Variants in TBC1D14 observed in about 807,000 individuals in gnomAD.
TBC1D14 encodes TBC1 domain family member 14, also known as TBC1 domain family, member 14.
Under a neutral mutation model 79.0 loss-of-function variants are expected in TBC1D14, and 26 were observed. The ratio of observed to expected loss-of-function variants is 0.33; its 90% CI spans 0.24 to 0.46. The LOEUF (loss-of-function observed/expected upper bound fraction) is 0.46, where lower values mean the gene tolerates loss of function less well. Ranked by LOEUF, TBC1D14 falls within the 20% of genes least tolerant of loss-of-function variation. The probability of loss-of-function intolerance (pLI) is 1.00; values close to 1 mark genes in which losing one functional copy is unlikely to be tolerated. For synonymous variants in TBC1D14, 394 were observed against 349.9 expected (o/e 1.13, Z -1.40); for missense variants, 769 against 887.6 (o/e 0.87, Z 1.70).
intron 8 of TBC1D14, 79 bp from the exon 9 acceptor site, chr4:7,006,553 T>C: frequency 7.4e-7 from 1 of 1,350,506 alleles, no homozygotes; most frequent in Non-Finnish European, 1.0e-6. Flanking sequence ...TGTTTTGTTC[T>C]TGTAAAACTT....
intron 2 of TBC1D14, among the ~76,000 whole-genome samples, chr4:6,935,275 G>T (rs1712197279): frequency 6.6e-6 from 1 of 151,956 alleles, no homozygotes; most frequent in Non-Finnish European, 1.5e-5. Flanking sequence ...GGTTTTGTTT[G>T]TTTGTTTGTT....
At chr4:6,917,511 C>T (rs555216647) in intron 1 of TBC1D14, among the ~76,000 whole-genome samples, 6 of 152,068 alleles carry the variant, frequency 3.9e-5, no homozygotes, top group Non-Finnish European at 7.4e-5. Flanking sequence ...TTGTGCCACA[C>T]CCTACTGGGA....
At chr4:6,927,009 A>G (rs555088731) in intron 2 of TBC1D14, among the ~76,000 whole-genome samples, 33 of 152,296 alleles carry the variant, frequency 2.2e-4, no homozygotes, top group Admixed American at 5.2e-4. Context: ...CTAGGAGAAC[A>G]TGCTCGGAGG....
rs191532623 is a variant in TBC1D14 at position 6,957,118 on chromosome 4, T to C, written c.723-10186T>C. On this transcript the variant is annotated intron_variant, in intron 2 of 13. Coordinates refer to ENST00000409757, the MANE Select transcript of TBC1D14 (RefSeq NM_020773.3). The stretch of plus-strand genomic sequence containing the variant: ...TGGCGCCGGCCAGCTGTTCTTCATT[T>C]GTACTGGGAGGAAAGTGGAGAAACT... Among the ~76,000 whole-genome samples, 537 of 152,314 alleles carry C rather than the reference T, an allele frequency of 3.5e-3. 12 individuals carry two copies. The highest frequency in any genetic ancestry group is 6.8e-3 in the Middle Eastern group (2 of 294).
chr4:6,994,559 A>C (rs182830377), intron 4 of TBC1D14, among the ~76,000 whole-genome samples: 26 of 152,286 alleles, frequency 1.7e-4, no homozygotes, highest in Non-Finnish European at 2.1e-4. Flanking sequence ...ATTTAAAAAT[A>C]AGTTGTCAGC....
At chr4:6,975,882 C>T (rs1445185391) in intron 3 of TBC1D14, among the ~76,000 whole-genome samples, 1 of 152,106 alleles carries the variant, frequency 6.6e-6, no homozygotes, top group African/African-American at 2.4e-5. Flanking sequence ...CACCTGAGCT[C>T]AGGAGTTCGA....
At chr4:6,912,845 A>G (rs1287136221) in intron 1 of TBC1D14, among the ~76,000 whole-genome samples, 1 of 152,192 alleles carries the variant, frequency 6.6e-6, no homozygotes, top group Admixed American at 6.5e-5. Context: ...CAAGGAAACC[A>G]AGGCTCGGGG....
At chr4:6,930,925 A>G (rs10937767) in intron 2 of TBC1D14, among the ~76,000 whole-genome samples, 147,154 of 152,176 alleles carry the variant, frequency 0.97, 71,353 homozygotes, top group Middle Eastern at 1. Context: ...TTTTGAGATG[A>G]AATCTTGCTG....
At chr4:6,924,933 A>G (rs1232104280) in intron 2 of TBC1D14, among the ~76,000 whole-genome samples, 2 of 152,126 alleles carry the variant, frequency 1.3e-5, no homozygotes, top group Admixed American at 1.3e-4. Flanking sequence ...ACACAAGCAA[A>G]TGTGAACTCC....
At position 6,923,505 on chromosome 4, in the gene TBC1D14, G is replaced by A. The variant is rs778562700; in HGVS notation, c.116G>A (p.Arg39Gln). ...NLQHVNLKAP[R>Q]LLSAPEYGPK... is the part of the protein sequence containing the mutation. ...CAACACGTCAATCTCAAGGCGCCCCGACTCCTCTCCGCGCCTGAGTACGGG... is the reference window on the plus strand; with the variant it reads ...CAACACGTCAATCTCAAGGCGCCCCAACTCCTCTCCGCGCCTGAGTACGGG... The change falls in exon 2 of 14, where the codon CGA (arginine) becomes CAA (glutamine). Residue 39 changes from arginine to glutamine, a missense_variant. Physicochemically the swap from Arg to Gln is conservative, Grantham distance 43. Coordinates refer to ENST00000409757, the MANE Select transcript of TBC1D14 (RefSeq NM_020773.3). 23 of 1,614,006 alleles carry A rather than the reference G, an allele frequency of 1.4e-5. No homozygotes were observed. The highest frequency in any genetic ancestry group is 5.0e-5 in the Admixed American group (3 of 59,996).
intron 13 of TBC1D14, among the ~76,000 whole-genome samples, chr4:7,029,252 C>T (rs930417603): frequency 6.6e-6 from 1 of 152,234 alleles, no homozygotes; most frequent in African/African-American, 2.4e-5. Context: ...TAATTGAAAC[C>T]AAAATGCTTT....
At chr4:7,028,574 C>G (rs1722707113) in intron 13 of TBC1D14, among the ~76,000 whole-genome samples, 1 of 151,862 alleles carries the variant, frequency 6.6e-6, no homozygotes, top group Non-Finnish European at 1.5e-5. Flanking sequence ...TTACAGGCGC[C>G]CGCCTCCATG....
intron 2 of TBC1D14, among the ~76,000 whole-genome samples, chr4:6,955,790 C>T (rs996978222): frequency 6.6e-6 from 1 of 152,144 alleles, no homozygotes; most frequent in African/African-American, 2.4e-5. Context: ...GGAACCTGCT[C>T]CACCAGGTCA....
At chr4:7,009,669 A>G (rs1720547847) in intron 9 of TBC1D14, among the ~76,000 whole-genome samples, 1 of 152,244 alleles carries the variant, frequency 6.6e-6, no homozygotes, top group South Asian at 2.1e-4. Context: ...CAGAGCAGTT[A>G]CATAGCGTGA....
At chr4:7,026,900 A>C (rs533768750) in intron 13 of TBC1D14, among the ~76,000 whole-genome samples, 98 of 152,222 alleles carry the variant, frequency 6.4e-4, no homozygotes, top group East Asian at 1.2e-3. Context: ...CTGTCTTAAA[A>C]AAACAAACAA....
intron 12 of TBC1D14, among the ~76,000 whole-genome samples, chr4:7,021,659 T>G (rs1577186698): frequency 4.2e-4 from 1 of 2,400 alleles, no homozygotes; most frequent in Non-Finnish European, 6.5e-4. Context: ...TTGAAATTAC[T>G]TTTTTTTTTT....
chr4:6,909,864 G>T lies in TBC1D14; in HGVS notation c.-105G>T, dbSNP rs1179301946. 2 of 148,200 alleles carry T rather than the reference G, an allele frequency of 1.3e-5. No homozygotes were observed. Among genetic ancestry groups the T allele is most frequent in the South Asian group, 2.1e-4 (1 of 4,836 alleles). The allele number at this position is 148,200 out of a possible 1,614,324, so 9.2% of individuals were successfully genotyped here. ...ACCCGCTGCCTACCGCGTGCCCGGC[G>T]TCCTCGTCGCGCGAGTTGCCGGTCC... is the stretch of plus-strand genomic sequence containing the variant. On this transcript the variant is annotated 5_prime_UTR_variant, in exon 1 of 14. Coordinates refer to ENST00000409757, the MANE Select transcript of TBC1D14 (RefSeq NM_020773.3).
chr4:6,970,701 C>T (rs1361317123), intron 3 of TBC1D14, among the ~76,000 whole-genome samples: 3 of 151,652 alleles, frequency 2.0e-5, no homozygotes, highest in South Asian at 2.1e-4. Context: ...TTTGGACCTG[C>T]CTCAAGGAGC....
intron 2 of TBC1D14, among the ~76,000 whole-genome samples, chr4:6,941,239 G>T (rs1712877635): frequency 6.9e-6 from 1 of 144,988 alleles, no homozygotes; most frequent in South Asian, 2.2e-4. Context: ...AGGCTGGAGT[G>T]CAATGGCATG....
Sources: gnomAD v4.1 joint callset for allele counts (sites outside exome capture counted in the v4.1 genomes callset) on GRCh38, gnomAD v4.1.1 for gene constraint, MANE v1.5 for transcripts, NCBI Gene and HGNC (gene_info 2026-07-23, HGNC 2026-07-21) for gene names.